Variants in CASR observed in about 807,000 individuals in gnomAD.
CASR encodes the protein extracellular calcium-sensing receptor.
A neutral mutation model predicts 69.1 loss-of-function variants in CASR; 23 were observed. That is an observed-to-expected ratio of 0.33 (90% CI 0.24 to 0.47). The LOEUF (loss-of-function observed/expected upper bound fraction) is 0.47. Ranked by LOEUF, CASR falls within the 20% of genes least tolerant of loss-of-function variation. The pLI is 1.00. For missense variants in CASR, 924 were observed against 1,356.1 expected (o/e 0.68, Z 5.00); for synonymous variants, 541 against 544.7 (o/e 0.99, Z 0.10).
At chr3:122,211,321 A>G (rs1348470577) in intron 1 of CASR, among the ~76,000 whole-genome samples, 1 of 152,232 alleles carries the variant, frequency 6.6e-6, no homozygotes, top group African/African-American at 2.4e-5. Flanking sequence ...ATGGGAGAAA[A>G]CTTTTGCAAT....
intron 5 of CASR, among the ~76,000 whole-genome samples, chr3:122,279,415 C>G (rs2074861021): frequency 1.3e-5 from 2 of 152,176 alleles, no homozygotes; most frequent in Admixed American, 1.3e-4. Flanking sequence ...CAAGCAAAGA[C>G]AATTATAGGA....
At chr3:122,215,022 G>T (rs2074103323) in intron 1 of CASR, among the ~76,000 whole-genome samples, 1 of 152,204 alleles carries the variant, frequency 6.6e-6, no homozygotes, top group South Asian at 2.1e-4. Context: ...GTAGAAGAAG[G>T]AAGGAGGTAG....
At chr3:122,213,521 G>A (rs1363459443) in intron 1 of CASR, among the ~76,000 whole-genome samples, 1 of 152,066 alleles carries the variant, frequency 6.6e-6, no homozygotes, top group East Asian at 1.9e-4. Flanking sequence ...GACAAACACT[G>A]GCTCGTTTGG....
intron 1 of CASR, among the ~76,000 whole-genome samples, chr3:122,218,105 C>T (rs2107599924): frequency 6.6e-6 from 1 of 152,054 alleles, no homozygotes; most frequent in South Asian, 2.1e-4. Context: ...GATCCTGCCA[C>T]TGCAAGCAGA....
intron 1 of CASR, among the ~76,000 whole-genome samples, chr3:122,220,846 C>T (rs1374952468): frequency 7.2e-5 from 11 of 152,142 alleles, no homozygotes; most frequent in African/African-American, 2.4e-4. Context: ...TGGTGGCAGG[C>T]ACCTGTAATC....
chr3:122,238,192 C>T lies in CASR; in HGVS notation c.-242-15756C>T, dbSNP rs180798130. Among the ~76,000 whole-genome samples the T allele has an allele frequency of 2.6e-5, 4 of 152,338 alleles. No individual in the cohort carries two copies. In the East Asian group the frequency reaches 5.8e-4, roughly 22 times the overall value. On this transcript the variant is annotated intron_variant, in intron 1 of 6. Transcript: ENST00000639785. ...CAGCCTTGAATCGCTGATACCACCCCTCCCCTATCCCCCCAGCAGTGGCCG... is the reference window on the plus strand; with the variant it reads ...CAGCCTTGAATCGCTGATACCACCCTTCCCCTATCCCCCCAGCAGTGGCCG...
chr3:122,282,430 C>A (rs575199288), intron 6 of CASR, among the ~76,000 whole-genome samples, 194 bp downstream of exon 6: 4 of 152,346 alleles, frequency 2.6e-5, no homozygotes, highest in Admixed American at 2.0e-4. Flanking sequence ...TCTTTTAATA[C>A]CATAAAAGAT....
At chr3:122,247,839 C>G (rs1454672486) in intron 1 of CASR, 1 of 152,530 alleles carries the variant, frequency 6.6e-6, no homozygotes, top group Admixed American at 6.5e-5. Context: ...GCTCTGTGCC[C>G]TGTGCTGCTC....
intron 1 of CASR, among the ~76,000 whole-genome samples, chr3:122,217,074 GA>G (rs1465121933): frequency 6.6e-6 from 1 of 151,464 alleles, no homozygotes; most frequent in Non-Finnish European, 1.5e-5. Context: ...TATTTGTCTA[GA>G]ACTTGTTTTG....
chr3:122,283,022 A>G (rs1267649702), intron 6 of CASR, among the ~76,000 whole-genome samples: 1 of 152,206 alleles, frequency 6.6e-6, no homozygotes, highest in Non-Finnish European at 1.5e-5. Flanking sequence ...AACAGTTGTC[A>G]GTTGAATGAG....
intron 2 of CASR, among the ~76,000 whole-genome samples, chr3:122,256,638 G>A (rs9865150): frequency 0.17 from 25,601 of 152,022 alleles, 2,597 homozygotes; most frequent in East Asian, 0.39. Flanking sequence ...TTATTTTTGA[G>A]ATGGAGTCTC....
chr3:122,196,407 A>G (rs2073891136), intron 1 of CASR, among the ~76,000 whole-genome samples: 1 of 152,160 alleles, frequency 6.6e-6, no homozygotes, highest in Admixed American at 6.5e-5. Context: ...TGTGAGATGA[A>G]GTAAGGTGCT....
In CASR at chr3:122,246,599, A is replaced by G. The variant is rs2074429986; in HGVS notation, c.-242-7349A>G. ...ATGTGCTTAGAAAGATGTCCCCACG[A>G]TGTGCTAGAACAGGCTTCTATCGGC... On this transcript the variant is annotated intron_variant, in intron 1 of 6. Transcript: ENST00000639785. 1.3e-5 allele frequency: 2 copies of G among 152,226 alleles called. 1 individual carries two copies. The highest frequency in any genetic ancestry group is 4.1e-4 in the South Asian group (2 of 4,834). The allele number at this position is 152,226 out of a possible 1,614,324, so 9.4% of individuals were successfully genotyped here. A position where few individuals can be genotyped will look rare whatever the true frequency, so the allele number is the denominator to read the frequency against.
At chr3:122,254,485 G>GTGAT (rs1161553930) in intron 2 of CASR, 111 bp downstream of exon 2, 1 of 1,080,218 alleles carries the variant, frequency 9.3e-7, no homozygotes, top group East Asian at 2.5e-5. Flanking sequence ...TTCAAGAATA[G>GTGAT]TGATTGATTG....
intron 1 of CASR, among the ~76,000 whole-genome samples, chr3:122,219,290 G>A (rs1032838933): frequency 1.3e-5 from 2 of 152,184 alleles, no homozygotes; most frequent in African/African-American, 4.8e-5. Context: ...CTGTGATGGT[G>A]GATCAGGGAA....
intron 3 of CASR, among the ~76,000 whole-genome samples, chr3:122,257,933 A>G (rs975689932): frequency 3.9e-5 from 6 of 152,236 alleles, no homozygotes; most frequent in Non-Finnish European, 5.9e-5. Flanking sequence ...TTGAGCATAT[A>G]TGTATAAGCG....
intron 1 of CASR, among the ~76,000 whole-genome samples, chr3:122,201,627 G>A (rs2073952103): frequency 7.1e-6 from 1 of 139,932 alleles, no homozygotes; most frequent in Non-Finnish European, 1.5e-5. Flanking sequence ...GCCGGGCGGG[G>A]GCGACCCCCC....
intron 4 of CASR, among the ~76,000 whole-genome samples, chr3:122,267,734 A>G (rs533113766): frequency 3.3e-5 from 5 of 152,186 alleles, no homozygotes; most frequent in Non-Finnish European, 5.9e-5. Flanking sequence ...CAAATTCAGA[A>G]CTATACACTT....
intron 4 of CASR, among the ~76,000 whole-genome samples, chr3:122,262,998 G>GA (rs540005534): frequency 8.3e-4 from 126 of 152,316 alleles, no homozygotes; most frequent in African/African-American, 2.7e-3. Flanking sequence ...GGTTATCATA[G>GA]AAAAAATCAG....
Sources: allele counts gnomAD v4.1 joint callset (sites outside exome capture counted in the v4.1 genomes callset), GRCh38; gene constraint gnomAD v4.1.1; transcripts MANE v1.5; gene names NCBI Gene and HGNC (gene_info 2026-07-23, HGNC 2026-07-21).